Variants in ADAM12 observed in about 807,000 individuals in gnomAD.
ADAM12 encodes the protein ADAM metallopeptidase domain 12.
Under a neutral mutation model 106.4 loss-of-function variants are expected in ADAM12, and 70 were observed. The ratio of observed to expected loss-of-function variants is 0.66; its 90% confidence interval spans 0.54 to 0.80. ADAM12 has a LOEUF of 0.80. Among genes scored for constraint, ADAM12 ranks in the 30% least tolerant of loss-of-function variants. ADAM12 has a pLI of 0.00. For synonymous variants in ADAM12, 420 were observed against 433.5 expected (o/e 0.97, Z 0.39); for missense variants, 1,010 against 1,171.9 (o/e 0.86, Z 2.02).
At chr10:126,021,860 C>T (rs1274221882) in intron 21 of ADAM12, among the ~76,000 whole-genome samples, 3 of 152,128 alleles carry the variant, frequency 2.0e-5, no homozygotes, top group Non-Finnish European at 4.4e-5. Flanking sequence ...AATTTACCAC[C>T]AAAAAGCACC....
intron 11 of ADAM12, among the ~76,000 whole-genome samples, chr10:126,091,387 C>A (rs964401941): frequency 2.6e-5 from 4 of 152,222 alleles, no homozygotes; most frequent in African/African-American, 7.2e-5. Flanking sequence ...CGACCTCCCC[C>A]TCACTGTGGG....
Position 126,042,068 on chromosome 10 carries a change from G to A in ADAM12, c.2104+972C>T, listed in dbSNP as rs559965640. The A allele has an allele frequency of 1.4e-4, 220 of 1,581,616 alleles. No individual in the cohort carries two copies. In the African/African-American group the frequency reaches 2.8e-3, roughly 20 times the overall value. On this transcript the variant is annotated intron_variant, in intron 18 of 22. Coordinates refer to ENST00000448723, the MANE Select transcript of ADAM12 (RefSeq NM_001288973.2). ...GAGTCAATGCTGCCAGTCACAGGAGGCCTTGGGGACGCGTGACCTCCTCTG... is the reference window on the plus strand; with the variant it reads ...GAGTCAATGCTGCCAGTCACAGGAGACCTTGGGGACGCGTGACCTCCTCTG...
At chr10:126,282,212 T>C (rs1287925291) in intron 2 of ADAM12, among the ~76,000 whole-genome samples, 1 of 152,182 alleles carries the variant, frequency 6.6e-6, no homozygotes, top group African/African-American at 2.4e-5. Flanking sequence ...TGATCTCTTC[T>C]TATAAGGACA....
intron 1 of ADAM12, among the ~76,000 whole-genome samples, chr10:126,382,941 TTTAAAA>T (rs1292545008): frequency 6.6e-6 from 1 of 152,112 alleles, no homozygotes; most frequent in African/African-American, 2.4e-5. Context: ...TAGGATAAAA[TTTAAAA>T]TTATTTATTT....
At chr10:126,261,063 C>A (rs7921252) in intron 3 of ADAM12, among the ~76,000 whole-genome samples, 69,945 of 151,924 alleles carry the variant, frequency 0.46, 16,682 homozygotes, top group Non-Finnish European at 0.53. Flanking sequence ...GTATTATAAG[C>A]AATCTAGAGA....
chr10:126,370,577 A>G (rs1856076767), intron 1 of ADAM12, among the ~76,000 whole-genome samples: 1 of 152,220 alleles, frequency 6.6e-6, no homozygotes, highest in African/African-American at 2.4e-5. Context: ...CAGTCCTTGC[A>G]GGTCAGAGCC....
chr10:126,166,384 G>A, intron 3 of ADAM12, among the ~76,000 whole-genome samples: 1 of 151,802 alleles, frequency 6.6e-6, no homozygotes, highest in East Asian at 1.9e-4. Context: ...TCTCCAGCTG[G>A]CATGAGACTC....
chr10:126,346,754 T>C (rs1171545214), intron 1 of ADAM12, among the ~76,000 whole-genome samples: 1 of 152,234 alleles, frequency 6.6e-6, no homozygotes, highest in Non-Finnish European at 1.5e-5. Flanking sequence ...TCTTGTTGAA[T>C]TGATCCCTTT....
chr10:126,314,642 T>G (rs1196942928), intron 2 of ADAM12, among the ~76,000 whole-genome samples: 1 of 152,196 alleles, frequency 6.6e-6, no homozygotes, highest in African/African-American at 2.4e-5. Context: ...TCAAACCTTG[T>G]CTAAAATTAC....
chr10:126,221,111 C>T lies in ADAM12; in HGVS notation c.260+57804G>A, dbSNP rs59284461. Among the ~76,000 whole-genome samples, 558 of 152,262 alleles carry T rather than the reference C, an allele frequency of 3.7e-3. 3 individuals are homozygous for T. The highest frequency in any genetic ancestry group is 0.012 in the African/African-American group (500 of 41,540). On this transcript the variant is annotated intron_variant, in intron 3 of 22. Coordinates refer to ENST00000448723, the MANE Select transcript of ADAM12 (RefSeq NM_001288973.2). ...ATTTAGAAGAGAAGGAGGCTGGGTG[C>T]GGTGGCTCACACTTGTAATCCCAGC...
chr10:126,030,400 G>A (rs1953952241), intron 21 of ADAM12, among the ~76,000 whole-genome samples: 1 of 152,218 alleles, frequency 6.6e-6, no homozygotes, highest in Non-Finnish European at 1.5e-5. Flanking sequence ...TAAAAGCCTA[G>A]TAACAGTGAC....
rs977434342 is a variant in ADAM12 at position 126,388,314 on chromosome 10, C to G, written c.-169G>C. 1.1e-5 allele frequency: 12 copies of G among 1,047,152 alleles called. No individual in the cohort carries two copies. Among genetic ancestry groups the G allele is most frequent in the Non-Finnish European group, 1.4e-5 (12 of 834,520 alleles). 64.9% of individuals were successfully genotyped at this position (1,047,152 alleles called of 1,614,324 possible). A position where few individuals can be genotyped will look rare whatever the true frequency, so the allele number is the denominator to read the frequency against. On this transcript the variant is annotated 5_prime_UTR_variant, in exon 1 of 23. Transcript: ENST00000448723. This position sits in a 1 kb window ranked among gnomAD's most constrained non-coding sequence, Gnocchi z 4.4. ...CCGCGCCGCCGCTGAGCTCTTCTAG[C>G]CTTTCATTTTTAAAAAAGTTTCCCC... is the stretch of plus-strand genomic sequence containing the variant.
intron 3 of ADAM12, among the ~76,000 whole-genome samples, chr10:126,257,077 G>A (rs752229005): frequency 1.1e-4 from 16 of 152,192 alleles, no homozygotes; most frequent in South Asian, 2.1e-4. Flanking sequence ...GGCCTGCAGT[G>A]CCCACTCTCA....
chr10:126,085,661 C>T (rs1195771929), intron 11 of ADAM12, among the ~76,000 whole-genome samples: 11 of 152,068 alleles, frequency 7.2e-5, no homozygotes, highest in East Asian at 5.8e-4. Flanking sequence ...TCTGTCTGTC[C>T]ATCCGTCCAT....
chr10:126,108,815 T>C, intron 7 of ADAM12, 151 bp from the exon 8 acceptor site: 1 of 707,720 alleles, frequency 1.4e-6, no homozygotes, highest in South Asian at 2.0e-5. Context: ...TCCTGCCGAC[T>C]AACTTTCCCG....
intron 3 of ADAM12, among the ~76,000 whole-genome samples, chr10:126,170,311 C>G (rs1676751): frequency 0.1 from 15,160 of 151,948 alleles, 2,188 homozygotes; most frequent in African/African-American, 0.31. Context: ...TCCGGGGCGG[C>G]GAAGAGGACC....
intron 21 of ADAM12, among the ~76,000 whole-genome samples, chr10:126,021,737 C>T (rs567910978): frequency 2.6e-5 from 4 of 152,126 alleles, no homozygotes; most frequent in Non-Finnish European, 4.4e-5. Flanking sequence ...CCCTTCCTCC[C>T]GGGTGGATGT....
chr10:126,152,909 C>T (rs1359179117), intron 4 of ADAM12, among the ~76,000 whole-genome samples: 2 of 152,110 alleles, frequency 1.3e-5, no homozygotes, highest in Non-Finnish European at 2.9e-5. Context: ...ATTCTTAAAC[C>T]ATTTTAAATC....
intron 3 of ADAM12, among the ~76,000 whole-genome samples, chr10:126,187,326 TA>T (rs10638442): frequency 2.2e-4 from 32 of 148,578 alleles, no homozygotes; most frequent in Admixed American, 3.4e-4. Flanking sequence ...GGAAATGAAA[TA>T]AAAAAAAAAC....
Sources: allele counts gnomAD v4.1 joint callset (sites outside exome capture counted in the v4.1 genomes callset), GRCh38; gene constraint gnomAD v4.1.1; non-coding constraint Gnocchi (gnomAD v3.1); transcripts MANE v1.5; gene names NCBI Gene and HGNC (gene_info 2026-07-23, HGNC 2026-07-21).